Variants in RALGAPA2 observed in about 807,000 individuals in gnomAD.
RALGAPA2 encodes ral GTPase-activating protein subunit alpha-2.
Under a neutral mutation model 230.4 loss-of-function variants are expected in RALGAPA2, and 139 were observed. The ratio of observed to expected loss-of-function variants is 0.60; its 90% CI spans 0.53 to 0.69. RALGAPA2 has a LOEUF of 0.69. Among genes scored for constraint, RALGAPA2 ranks in the 30% least tolerant of loss-of-function variants. The probability of loss-of-function intolerance (pLI) is 0.00; values close to 1 mark genes in which losing one functional copy is unlikely to be tolerated. For missense variants in RALGAPA2, 2,163 were observed against 2,276.0 expected (o/e 0.95, Z 1.01); for synonymous variants, 847 against 837.8 (o/e 1.01, Z -0.19).
intron 16 of RALGAPA2, among the ~76,000 whole-genome samples, chr20:20,599,840 G>A (rs1005809319): frequency 1.3e-5 from 2 of 152,188 alleles, no homozygotes; most frequent in African/African-American, 4.8e-5. Flanking sequence ...GGGCATGGTG[G>A]TGCATGCCTG....
At chr20:20,710,223 C>A (rs2069796376) in intron 1 of RALGAPA2, among the ~76,000 whole-genome samples, 1 of 152,290 alleles carries the variant, frequency 6.6e-6, no homozygotes, top group East Asian at 1.9e-4. Context: ...TATATAAATA[C>A]ACACATAAAA....
At chr20:20,452,092 A>C (rs1193763006) in intron 37 of RALGAPA2, among the ~76,000 whole-genome samples, 1 of 152,252 alleles carries the variant, frequency 6.6e-6, no homozygotes, top group Non-Finnish European at 1.5e-5. Context: ...TTTTAAAATA[A>C]ATCTACCAAA....
chr20:20,529,847 T>C (rs1206880126), intron 27 of RALGAPA2, among the ~76,000 whole-genome samples: 1 of 152,200 alleles, frequency 6.6e-6, no homozygotes, highest in East Asian at 1.9e-4. Context: ...TGTGTGTGTC[T>C]ATCTCCTTCA....
In RALGAPA2 at chr20:20,623,499, C is replaced by CAA. The variant is rs75858487; in HGVS notation, c.1234-2871_1234-2870dup. ...AATAGAGCAAAAACTGATAGGCTTT[C>CAA]AAAAAAAAAAAAAAAACAAATCCAC... On this transcript the variant is annotated intron_variant, in intron 10 of 39. Coordinates refer to ENST00000202677, the MANE Select transcript of RALGAPA2 (RefSeq NM_020343.4). Among the ~76,000 whole-genome samples the CAA allele has an allele frequency of 7.2e-3, 595 of 82,816 alleles. 5 individuals are homozygous for CAA. The highest frequency in any genetic ancestry group is 0.023 in the African/African-American group (552 of 24,002). 54.3% of individuals were successfully genotyped at this position (82,816 alleles called of 152,430 possible).
At chr20:20,613,669 C>G (rs1356202218) in intron 13 of RALGAPA2, among the ~76,000 whole-genome samples, 1 of 152,166 alleles carries the variant, frequency 6.6e-6, no homozygotes, top group Non-Finnish European at 1.5e-5. Context: ...TGGCCATCAT[C>G]TTGTCCTTCC....
At chr20:20,547,291 C>T (rs1376687054) in intron 23 of RALGAPA2, among the ~76,000 whole-genome samples, 2 of 152,188 alleles carry the variant, frequency 1.3e-5, no homozygotes, top group African/African-American at 4.8e-5. Flanking sequence ...GATAGTTTTA[C>T]GTGTTCAGAA....
At chr20:20,486,483 T>G (rs2061914433) in intron 36 of RALGAPA2, among the ~76,000 whole-genome samples, 1 of 152,232 alleles carries the variant, frequency 6.6e-6, no homozygotes, top group African/African-American at 2.4e-5. Flanking sequence ...CTTGCTCTTC[T>G]GCAGCTACTG....
chr20:20,473,002 T>C, intron 36 of RALGAPA2, 46 bp from the exon 37 acceptor site: 1 of 1,559,604 alleles, frequency 6.4e-7, no homozygotes, highest in South Asian at 1.2e-5. Flanking sequence ...CTGATAAAAG[T>C]CAAATCAAAG....
At chr20:20,634,153 T>A (rs1394538408) in intron 9 of RALGAPA2, among the ~76,000 whole-genome samples, 2 of 152,128 alleles carry the variant, frequency 1.3e-5, no homozygotes, top group Non-Finnish European at 2.9e-5. Context: ...TTTTTATTTT[T>A]TTTTTTCAGT....
In RALGAPA2 at chr20:20,712,520, G is replaced by C; in HGVS notation, c.-40C>G. The stretch of plus-strand genomic sequence containing the variant: ...CCCGGGCCCCGCCGGCGGGGCAGTA[G>C]GCGCCTGCGCCACGCGAATCAAAGC... On this transcript the variant is annotated 5_prime_UTR_variant, in exon 1 of 40. Coordinates refer to ENST00000202677, the MANE Select transcript of RALGAPA2 (RefSeq NM_020343.4). The surrounding 1 kb of genome is among the most constrained non-coding windows in gnomAD (Gnocchi z 5.5). 1.3e-6 allele frequency: 2 copies of C among 1,530,376 alleles called. No individual in the cohort carries two copies. The highest frequency in any genetic ancestry group is 1.8e-6 in the Non-Finnish European group (2 of 1,138,392). The allele number at this position is 1,530,376 out of a possible 1,614,324, so 94.8% of individuals were successfully genotyped here. A position where few individuals can be genotyped will look rare whatever the true frequency, so the allele number is the denominator to read the frequency against.
At position 20,503,268 on chromosome 20, in the gene RALGAPA2, T is replaced by G. The variant is rs1292832912; in HGVS notation, c.5208+83A>C. On this transcript the variant is annotated intron_variant, in intron 35 of 39. Transcript: ENST00000202677. ...TCAGAGAAACCATCTCAGTGTGCGTTCTACCCTTGTATTTGTCTGTCCTAG... is the reference window on the plus strand; with the variant it reads ...TCAGAGAAACCATCTCAGTGTGCGTGCTACCCTTGTATTTGTCTGTCCTAG... 3 of 1,252,156 alleles carry G rather than the reference T, an allele frequency of 2.4e-6. No individual in the cohort carries two copies. The Admixed American group carries it at 8.8e-5, about 37-fold the overall frequency. The allele number at this position is 1,252,156 out of a possible 1,614,324, so 77.6% of individuals were successfully genotyped here.
At chr20:20,572,012 G>T in intron 21 of RALGAPA2, 66 bp from the exon 22 acceptor site, 1 of 1,115,746 alleles carries the variant, frequency 9.0e-7, no homozygotes, top group Non-Finnish European at 1.3e-6. Flanking sequence ...TATTTCAACA[G>T]TCTTCTGTGA....
intron 7 of RALGAPA2, among the ~76,000 whole-genome samples, chr20:20,637,742 ATATCG>A (rs1255058577): frequency 6.6e-6 from 1 of 152,210 alleles, no homozygotes; most frequent in African/African-American, 2.4e-5. Flanking sequence ...TTGCTCAATG[ATATCG>A]TATCTTTTAT....
intron 37 of RALGAPA2, among the ~76,000 whole-genome samples, chr20:20,444,015 G>A (rs1880921957): frequency 6.6e-6 from 1 of 152,238 alleles, no homozygotes; most frequent in Non-Finnish European, 1.5e-5. Flanking sequence ...CGGCACTGAT[G>A]CCTGGCCCCC....
intron 37 of RALGAPA2, among the ~76,000 whole-genome samples, chr20:20,465,769 C>A (rs1017273788): frequency 2.0e-5 from 3 of 152,288 alleles, no homozygotes; most frequent in Admixed American, 6.5e-5. Flanking sequence ...AGCTCCTACC[C>A]CAGGGAACCA....
intron 9 of RALGAPA2, among the ~76,000 whole-genome samples, chr20:20,634,546 C>G (rs1483380586): frequency 6.6e-6 from 1 of 152,192 alleles, no homozygotes; most frequent in African/African-American, 2.4e-5. Context: ...GTTCCTCCAT[C>G]AAGGTTCCTA....
intron 37 of RALGAPA2, among the ~76,000 whole-genome samples, chr20:20,430,234 C>T (rs1209821657): frequency 5.9e-5 from 9 of 152,204 alleles, no homozygotes; most frequent in Admixed American, 2.6e-4. Flanking sequence ...TAACAGGGAG[C>T]AGCTGGCAAA....
chr20:20,411,882 A>G, intron 38 of RALGAPA2, 145 bp downstream of exon 38: 2 of 1,092,854 alleles, frequency 1.8e-6, no homozygotes, highest in Admixed American at 4.9e-5. Context: ...AATGAATGTC[A>G]TCATTCCTTT....
chr20:20,450,595 C>A (rs541350181), intron 37 of RALGAPA2, among the ~76,000 whole-genome samples: 8 of 152,370 alleles, frequency 5.3e-5, no homozygotes, highest in South Asian at 4.1e-4. Flanking sequence ...GGGCTCTCAT[C>A]CCAGCCCTGC....
Sources: allele counts gnomAD v4.1 joint callset (sites outside exome capture counted in the v4.1 genomes callset), GRCh38; gene constraint gnomAD v4.1.1; non-coding constraint Gnocchi (gnomAD v3.1); transcripts MANE v1.5; gene names NCBI Gene and HGNC (gene_info 2026-07-23, HGNC 2026-07-21).